GLYATL2: variants seen among roughly 807,000 people sequenced by gnomAD.
The protein encoded by GLYATL2 is glycine N-acyltransferase-like protein 2.
In GLYATL2, 25 loss-of-function variants were observed where a neutral mutation model predicts 21.4. The observed-to-expected ratio is 1.17, with a 90% confidence interval of 0.85 to 1.63. The LOEUF is 1.63. GLYATL2 is among the 40% of genes most tolerant of loss of function. The probability of loss-of-function intolerance (pLI) is 0.00; values close to 1 mark genes in which losing one functional copy is unlikely to be tolerated. For missense variants in GLYATL2, 361 were observed against 343.3 expected (o/e 1.05, Z -0.41); for synonymous variants, 114 against 118.2 (o/e 0.96, Z 0.23).
At chr11:58,906,974 A>G (rs561016903), upstream of GLYATL2, among the ~76,000 whole-genome samples, 1 of 152,168 alleles carries the variant, frequency 6.6e-6, no homozygotes, top group African/African-American at 2.4e-5. Flanking sequence ...TCCTTTTTTA[A>G]AAAGCTCAGA....
At chr11:58,892,954 G>T (rs987566692) in intron 1 of GLYATL2, 4 of 298,104 alleles carry the variant, frequency 1.3e-5, no homozygotes, top group Admixed American at 5.1e-5. Flanking sequence ...GATGAATAAA[G>T]GTTGTCAATG....
chr11:58,862,088 G>A lies in GLYATL2; in HGVS notation n.61-23720C>T, dbSNP rs374094817. Among the ~76,000 whole-genome samples, 12 of 152,130 alleles carry A rather than the reference G, an allele frequency of 7.9e-5. No homozygotes were observed. In the East Asian group the frequency reaches 2.1e-3, roughly 27 times the overall value. ...AAAAAAACAGATTTTGTTGGGAACA[G>A]TATTTTTGGTTGACACTGTTTTTGT... On this transcript the variant is annotated intron_variant and non_coding_transcript_variant, in intron 1 of 4. Coordinates refer to the GLYATL2 transcript ENST00000533636.
At chr11:58,908,469 G>T, upstream of GLYATL2, 1 of 198,562 alleles carries the variant, frequency 5.0e-6, no homozygotes, top group South Asian at 1.1e-4. Context: ...AACTCATCAT[G>T]AATTCCATGA....
At position 58,842,476 on chromosome 11, in the gene GLYATL2, C is replaced by CTGTGTGTG. The variant is rs34133004; in HGVS notation, c.-41+1950_-41+1957dup. 4.0e-4 allele frequency among the ~76,000 whole-genome samples: 54 copies of CTGTGTGTG among 134,850 alleles called. 1 individual carries two copies. The highest frequency in any genetic ancestry group is 3.1e-3 in the East Asian group (14 of 4,580). The allele number at this position is 134,850 out of a possible 152,430, so 88.5% of individuals were successfully genotyped here. ...AAATTGTCCCAGGATGAGTGAGACT[C>CTGTGTGTG]TGTGTGTGTGTGTGTGTGTGTGTGT... On this transcript the variant is annotated intron_variant, in intron 1 of 5. Coordinates refer to ENST00000287275, the MANE Select transcript of GLYATL2 (RefSeq NM_145016.4).
rs1465129522 is a variant in GLYATL2, at chr11:58,885,506, G to A, written n.60+18650C>T. The A allele has an allele frequency of 1.4e-5, 7 of 499,474 alleles. No individual in the cohort carries two copies. In the East Asian group the frequency reaches 1.7e-4, roughly 12 times the overall value. 30.9% of individuals were successfully genotyped at this position (499,474 alleles called of 1,614,324 possible). A position where few individuals can be genotyped will look rare whatever the true frequency, so the allele number is the denominator to read the frequency against. ...GGAGGTGCTGGTGGACTCCTGGCCC[G>A]AGTATCAGATAGTTATTATCCAACC... On this transcript the variant is annotated intron_variant and non_coding_transcript_variant, in intron 1 of 4. Transcript: ENST00000533636.
chr11:58,905,536 C>T (rs1236484821), upstream of GLYATL2: 1 of 456,186 alleles, frequency 2.2e-6, no homozygotes, highest in Non-Finnish European at 4.4e-6. Context: ...GCGGAAAAAG[C>T]GCGAAACCGC....
Position 58,896,472 on chromosome 11 carries a change from C to A in GLYATL2, n.60+7684G>T, listed in dbSNP as rs138127718. ...CCCACTCCTTTTGCGTCCACATCTT[C>A]AATTTCCATAGTGTGAGACAACAAA... On this transcript the variant is annotated intron_variant and non_coding_transcript_variant, in intron 1 of 4. Coordinates refer to the GLYATL2 transcript ENST00000533636. Among the ~76,000 whole-genome samples, 891 of 152,328 alleles carry A rather than the reference C, an allele frequency of 5.8e-3. 12 individuals are homozygous for A. The highest frequency in any genetic ancestry group is 0.02 in the African/African-American group (842 of 41,564).
At chr11:58,884,386 G>A (rs1040554872) in intron 1 of GLYATL2, among the ~76,000 whole-genome samples, 2 of 152,142 alleles carry the variant, frequency 1.3e-5, no homozygotes, top group African/African-American at 2.4e-5. Flanking sequence ...AAATCAATGT[G>A]CAAAAATCAC....
chr11:58,906,757 G>A (rs1854897923), upstream of GLYATL2, among the ~76,000 whole-genome samples: 1 of 152,210 alleles, frequency 6.6e-6, no homozygotes, highest in Non-Finnish European at 1.5e-5. Context: ...GTTTCTGTAA[G>A]CAAGCACAGC....
intron 5 of GLYATL2, 34 bp downstream of exon 5, chr11:58,836,981 C>G (rs1434479787): frequency 4.3e-5 from 69 of 1,589,400 alleles, no homozygotes; most frequent in Non-Finnish European, 5.6e-5. Flanking sequence ...GTAATTCTAT[C>G]AAGGAATTTG....
intron 1 of GLYATL2, among the ~76,000 whole-genome samples, chr11:58,891,365 T>C (rs77439376): frequency 0.012 from 1,796 of 152,324 alleles, 15 homozygotes; most frequent in Non-Finnish European, 0.016. Flanking sequence ...TAACACTACA[T>C]AAATTACCCA....
chr11:58,909,438 G>A, the GLYATL2 span, among the ~76,000 whole-genome samples: 1 of 152,168 alleles, frequency 6.6e-6, no homozygotes, highest in Non-Finnish European at 1.5e-5. Flanking sequence ...GACTTTTGGA[G>A]GTGATAGATA....
chr11:58,865,256 T>C (rs1282346704), intron 1 of GLYATL2, among the ~76,000 whole-genome samples: 1 of 148,986 alleles, frequency 6.7e-6, no homozygotes, highest in Non-Finnish European at 1.5e-5. Flanking sequence ...ATCTTCCAGA[T>C]TTTCTGATGA....
At chr11:58,834,873 A>C in intron 5 of GLYATL2, 36 bp from the exon 6 acceptor site, 1 of 1,473,154 alleles carries the variant, frequency 6.8e-7, no homozygotes, top group South Asian at 1.3e-5. Context: ...TATTCAGCCA[A>C]TATTACCAAA....
intron 1 of GLYATL2, chr11:58,892,624 C>T: frequency 3.4e-6 from 1 of 294,822 alleles, no homozygotes; most frequent in Middle Eastern, 4.8e-4. Context: ...TCGAGAACAT[C>T]ACGTCTGACA....
intron 1 of GLYATL2, among the ~76,000 whole-genome samples, chr11:58,841,317 C>T (rs1392501238): frequency 6.6e-6 from 1 of 152,170 alleles, no homozygotes; most frequent in Non-Finnish European, 1.5e-5. Flanking sequence ...AAACTCCACC[C>T]CTGGCTCCTC....
At chr11:58,882,032 A>C (rs1166844323) in intron 1 of GLYATL2, among the ~76,000 whole-genome samples, 4 of 152,228 alleles carry the variant, frequency 2.6e-5, no homozygotes, top group African/African-American at 9.7e-5. Flanking sequence ...ATAGTGCCTC[A>C]ATAAACATAT....
rs142837114 is a variant in GLYATL2 at position 58,887,295 on chromosome 11, A to G, written n.60+16861T>C. Among the ~76,000 whole-genome samples the G allele has an allele frequency of 3.9e-5, 6 of 152,320 alleles. No homozygotes were observed. In the East Asian group the frequency reaches 9.6e-4, roughly 24 times the overall value. On this transcript the variant is annotated intron_variant and non_coding_transcript_variant, in intron 1 of 4. Coordinates refer to the GLYATL2 transcript ENST00000533636. ...GAAATATACTGCAATTTACTTGGAAATACATTCATCTAGTCTGATTCCATA... is the reference window on the plus strand; with the variant it reads ...GAAATATACTGCAATTTACTTGGAAGTACATTCATCTAGTCTGATTCCATA...
chr11:58,890,731 AT>A (rs1416016654), intron 1 of GLYATL2, among the ~76,000 whole-genome samples: 6 of 151,552 alleles, frequency 4.0e-5, no homozygotes, highest in East Asian at 3.9e-4. Flanking sequence ...TATTATAATT[AT>A]TTTTTTCTTT....
Sources: gnomAD v4.1 joint callset for allele counts (sites outside exome capture counted in the v4.1 genomes callset) on GRCh38, gnomAD v4.1.1 for gene constraint, MANE v1.5 for transcripts, NCBI Gene and HGNC (gene_info 2026-07-23, HGNC 2026-07-21) for gene names.